The following R3HDM2 variants were observed in gnomAD, a reference collection of about 807,000 sequenced individuals.
R3HDM2 encodes R3H domain containing 2, also known as R3H domain-containing protein 2.
A neutral mutation model predicts 124.5 loss-of-function variants in R3HDM2; 38 were observed. The ratio of observed to expected loss-of-function variants is 0.31; its 90% CI spans 0.24 to 0.40. The LOEUF (loss-of-function observed/expected upper bound fraction) is 0.40, where lower values mean the gene tolerates loss of function less well. Ranked by LOEUF, R3HDM2 falls within the 10% of genes least tolerant of loss-of-function variation. The probability of loss-of-function intolerance (pLI) is 1.00; values close to 1 mark genes in which losing one functional copy is unlikely to be tolerated. For missense variants in R3HDM2, 869 were observed against 1,236.9 expected, an observed-to-expected ratio of 0.70 and a Z score of 4.46; for synonymous variants, 391 against 448.0, an observed-to-expected ratio of 0.87 and a Z score of 1.61.
intron 2 of R3HDM2, among the ~76,000 whole-genome samples, chr12:57,365,303 G>A (rs557568111): frequency 6.6e-6 from 1 of 151,540 alleles, no homozygotes; most frequent in East Asian, 1.9e-4. Context: ...CAGTCAGATT[G>A]GATTAGGGCC....
chr12:57,343,471 G>A (rs886959796), intron 2 of R3HDM2, among the ~76,000 whole-genome samples: 17 of 151,884 alleles, frequency 1.1e-4, no homozygotes, highest in African/African-American at 1.9e-4. Flanking sequence ...TTACAGACGT[G>A]AGCCACCGAG....
At chr12:57,429,150 T>A (rs1463254931) in intron 1 of R3HDM2, among the ~76,000 whole-genome samples, 1 of 151,814 alleles carries the variant, frequency 6.6e-6, no homozygotes. Context: ...CTTTTGGGAG[T>A]CTGAGGCCAG....
At chr12:57,390,132 CAG>C (rs996193653) in intron 2 of R3HDM2, among the ~76,000 whole-genome samples, 4 of 142,008 alleles carry the variant, frequency 2.8e-5, no homozygotes, top group Admixed American at 1.4e-4. Context: ...TTCTGGCTAA[CAG>C]AGTAACAAGA....
At chr12:57,359,196 C>A (rs950433086) in intron 2 of R3HDM2, among the ~76,000 whole-genome samples, 1 of 152,054 alleles carries the variant, frequency 6.6e-6, no homozygotes, top group Non-Finnish European at 1.5e-5. Context: ...GGATTACAGG[C>A]GTGAACCACC....
chr12:57,423,175 A>C (rs1366294442), intron 1 of R3HDM2, among the ~76,000 whole-genome samples: 1 of 152,054 alleles, frequency 6.6e-6, no homozygotes, highest in Non-Finnish European at 1.5e-5. Context: ...TAATCCCAGC[A>C]CTTTGGGAGG....
At chr12:57,371,890 G>A (rs545262713) in intron 2 of R3HDM2, among the ~76,000 whole-genome samples, 8 of 152,092 alleles carry the variant, frequency 5.3e-5, no homozygotes, top group Admixed American at 1.3e-4. Context: ...ATTTTGAGAC[G>A]GAGTTTCGCT....
At chr12:57,258,358 T>TTTATTTA (rs2039712462) in intron 20 of R3HDM2, among the ~76,000 whole-genome samples, 1 of 135,886 alleles carries the variant, frequency 7.4e-6, no homozygotes, top group Non-Finnish European at 1.7e-5. Context: ...TTATTTATTT[T>TTTATTTA]GAGATGGAGT....
intron 2 of R3HDM2, among the ~76,000 whole-genome samples, chr12:57,370,221 A>G (rs1032724266): frequency 6.6e-6 from 1 of 152,088 alleles, no homozygotes; most frequent in Non-Finnish European, 1.5e-5. Context: ...GTTTTAATAC[A>G]TAAGCGTCTG....
chr12:57,270,695 A>T (rs1381024261), intron 14 of R3HDM2, among the ~76,000 whole-genome samples: 1 of 151,998 alleles, frequency 6.6e-6, no homozygotes, highest in Non-Finnish European at 1.5e-5. Flanking sequence ...CAGCCTCCCA[A>T]AGTGTTTGGA....
intron 21 of R3HDM2, 74 bp from the exon 22 acceptor site, chr12:57,256,585 T>C: frequency 8.9e-7 from 1 of 1,129,172 alleles, no homozygotes; most frequent in Non-Finnish European, 1.3e-6. Context: ...TTCAAGGGGC[T>C]TTGGAGACAG....
chr12:57,255,577 G>A (rs1473116150), intron 23 of R3HDM2, among the ~76,000 whole-genome samples: 2 of 152,056 alleles, frequency 1.3e-5, no homozygotes, highest in Non-Finnish European at 2.9e-5. Flanking sequence ...CCTTGTTTAG[G>A]AAATTGCTCC....
rs767234283 is a variant in R3HDM2 at position 57,404,064 on chromosome 12, A to ATTTTTTTTTTTTTTTTTT, written c.-105-8247_-105-8246insAAAAAAAAAAAAAAAAAA. On this transcript the variant is annotated intron_variant, in intron 1 of 23. Coordinates refer to ENST00000402412, the MANE Select transcript of R3HDM2 (RefSeq NM_001394031.1). ...ATAAAATAAAAAAAGTCCACTCCTA[A>ATTTTTTTTTTTTTTTTTT]TTTTTTTTTTTTTTTTTGAGATGGA... Among the ~76,000 whole-genome samples, 14 of 77,042 alleles carry ATTTTTTTTTTTTTTTTTT rather than the reference A, an allele frequency of 1.8e-4. 1 individual carries two copies. Among genetic ancestry groups the ATTTTTTTTTTTTTTTTTT allele is most frequent in the East Asian group, 4.9e-4 (1 of 2,036 alleles). The allele number at this position is 77,042 out of a possible 152,430, so 50.5% of individuals were successfully genotyped here. A position where few individuals can be genotyped will look rare whatever the true frequency, so the allele number is the denominator to read the frequency against.
At chr12:57,305,739 G>A in intron 3 of R3HDM2, 1 of 398,174 alleles carries the variant, frequency 2.5e-6, no homozygotes, top group Non-Finnish European at 4.4e-6. Context: ...GAGTGCTACA[G>A]GAGCACACAG....
intron 14 of R3HDM2, among the ~76,000 whole-genome samples, chr12:57,270,613 A>G (rs1163615912): frequency 6.6e-6 from 1 of 151,836 alleles, no homozygotes; most frequent in Non-Finnish European, 1.5e-5. Flanking sequence ...TTGTATTTTT[A>G]GTAGAGTCGG....
intron 18 of R3HDM2, among the ~76,000 whole-genome samples, chr12:57,267,498 T>C (rs2137331885): frequency 6.6e-6 from 1 of 152,294 alleles, no homozygotes; most frequent in Non-Finnish European, 1.5e-5. Flanking sequence ...GAGGTTGCAG[T>C]GAGCTGAGAT....
At chr12:57,302,930 C>T (rs1486084863) in intron 4 of R3HDM2, among the ~76,000 whole-genome samples, 2 of 152,178 alleles carry the variant, frequency 1.3e-5, no homozygotes, top group Non-Finnish European at 2.9e-5. Context: ...AAGGCTCCAG[C>T]TGGGTAGCCT....
chr12:57,394,082 G>C (rs1002583394), intron 2 of R3HDM2, among the ~76,000 whole-genome samples: 4 of 151,864 alleles, frequency 2.6e-5, no homozygotes, highest in African/African-American at 9.7e-5. Flanking sequence ...GGGCTCCTGA[G>C]GTCAGGAGTT....
intron 1 of R3HDM2, among the ~76,000 whole-genome samples, chr12:57,409,612 C>T (rs1163391505): frequency 6.6e-6 from 1 of 151,892 alleles, no homozygotes; most frequent in Non-Finnish European, 1.5e-5. Context: ...GAAATCACTA[C>T]CTAATTGAAG....
intron 2 of R3HDM2, among the ~76,000 whole-genome samples, chr12:57,313,458 A>G (rs2054339857): frequency 6.6e-6 from 1 of 151,808 alleles, no homozygotes; most frequent in Non-Finnish European, 1.5e-5. Flanking sequence ...CAGCTACTCA[A>G]GAGGCTGAGG....
Sources: gnomAD v4.1 joint callset for allele counts (sites outside exome capture counted in the v4.1 genomes callset) on GRCh38, gnomAD v4.1.1 for gene constraint, MANE v1.5 for transcripts, NCBI Gene and HGNC (gene_info 2026-07-23, HGNC 2026-07-21) for gene names.